FSIP1: variants seen among roughly 807,000 people sequenced by gnomAD.
FSIP1 encodes the protein fibrous sheath-interacting protein 1.
In FSIP1, 65 loss-of-function variants were observed where a neutral mutation model predicts 60.9. The observed-to-expected ratio is 1.07, with a 90% CI of 0.87 to 1.31. FSIP1 has a LOEUF of 1.31. Among genes scored for constraint, FSIP1 ranks in the 40% most tolerant of loss-of-function variants. The pLI, the probability that FSIP1 is intolerant of heterozygous loss-of-function variation, is 0.00. For missense variants in FSIP1, 675 were observed against 665.5 expected, an observed-to-expected ratio of 1.01 and a Z score of -0.16; for synonymous variants, 209 against 221.2, an observed-to-expected ratio of 0.94 and a Z score of 0.49.
chr15:39,740,036 C>T (rs753519612), intron 6 of FSIP1, among the ~76,000 whole-genome samples: 1 of 152,184 alleles, frequency 6.6e-6, no homozygotes, highest in Non-Finnish European at 1.5e-5. Flanking sequence ...TATCAAACTT[C>T]TTCCTGTTGA....
chr15:39,630,806 G>C (rs888522160), intron 10 of FSIP1, among the ~76,000 whole-genome samples: 1 of 152,014 alleles, frequency 6.6e-6, no homozygotes, highest in Non-Finnish European at 1.5e-5. Flanking sequence ...TTTCGAGGGG[G>C]AGCACCTGGC....
In FSIP1 at chr15:39,761,773, T is replaced by C. The variant is rs141104497; in HGVS notation, c.559+2048A>G. On this transcript the variant is annotated intron_variant, in intron 5 of 11. Coordinates refer to ENST00000350221, the MANE Select transcript of FSIP1 (RefSeq NM_152597.5). ...GTATTTGAGGTGATGGATAGGCGAATTAGCTTGATTTAATTATTCTATATT... is the reference window on the plus strand; with the variant it reads ...GTATTTGAGGTGATGGATAGGCGAACTAGCTTGATTTAATTATTCTATATT... Among the ~76,000 whole-genome samples, 13 of 152,358 alleles carry C rather than the reference T, an allele frequency of 8.5e-5. No individual in the cohort carries two copies. The East Asian group carries it at 2.5e-3, about 29-fold the overall frequency.
chr15:39,716,709 A>T (rs537279640), intron 9 of FSIP1, among the ~76,000 whole-genome samples: 100 of 152,262 alleles, frequency 6.6e-4, no homozygotes, highest in Non-Finnish European at 7.8e-4. Flanking sequence ...GATGAAAAAA[A>T]CTGTGAACAC....
At chr15:39,685,980 G>C (rs1422603639) in intron 10 of FSIP1, among the ~76,000 whole-genome samples, 1 of 152,124 alleles carries the variant, frequency 6.6e-6, no homozygotes, top group Non-Finnish European at 1.5e-5. Context: ...GACATAATTA[G>C]CTAAAAATAT....
intron 10 of FSIP1, among the ~76,000 whole-genome samples, chr15:39,623,270 A>T (rs187558635): frequency 6.6e-6 from 1 of 152,338 alleles, no homozygotes; most frequent in Admixed American, 6.5e-5. Flanking sequence ...CAAGGCAATC[A>T]AGATTATGTC....
intron 5 of FSIP1, among the ~76,000 whole-genome samples, chr15:39,753,384 A>G (rs929790803): frequency 1.3e-5 from 2 of 152,018 alleles, no homozygotes; most frequent in Non-Finnish European, 2.9e-5. Context: ...CTCCACCCTC[A>G]ACTTCACCCC....
intron 9 of FSIP1, among the ~76,000 whole-genome samples, chr15:39,715,568 A>T (rs1895707292): frequency 6.6e-6 from 1 of 152,222 alleles, no homozygotes; most frequent in Non-Finnish European, 1.5e-5. Context: ...CAAATTATTA[A>T]GAGTGCGTCA....
intron 10 of FSIP1, among the ~76,000 whole-genome samples, chr15:39,652,790 T>A (rs1452230749): frequency 6.6e-6 from 1 of 152,190 alleles, no homozygotes; most frequent in East Asian, 1.9e-4. Flanking sequence ...CCGTACAGCA[T>A]GTTACTGCAT....
intron 11 of FSIP1, among the ~76,000 whole-genome samples, chr15:39,612,047 G>A (rs1158592713): frequency 6.6e-6 from 1 of 152,106 alleles, no homozygotes; most frequent in East Asian, 1.9e-4. Flanking sequence ...GAGATAGACT[G>A]CAATAGTATA....
chr15:39,614,326 C>A (rs1891144194), intron 11 of FSIP1, among the ~76,000 whole-genome samples: 1 of 152,002 alleles, frequency 6.6e-6, no homozygotes, highest in Admixed American at 6.6e-5. Flanking sequence ...ATCCCATTAA[C>A]AATTGTCTCT....
At chr15:39,726,563 G>C (rs758527612) in intron 9 of FSIP1, 26 bp downstream of exon 9, 5 of 1,607,458 alleles carry the variant, frequency 3.1e-6, no homozygotes, top group Admixed American at 1.7e-5. Flanking sequence ...ACATTAACTT[G>C]AACAGTCTAT....
chr15:39,685,027 C>T (rs188938774), intron 10 of FSIP1, among the ~76,000 whole-genome samples: 239 of 152,298 alleles, frequency 1.6e-3, no homozygotes, highest in African/African-American at 5.6e-3. Context: ...CAGACTCCTA[C>T]AAATCACACT....
At chr15:39,754,977 T>G (rs939787041) in intron 5 of FSIP1, among the ~76,000 whole-genome samples, 1 of 151,988 alleles carries the variant, frequency 6.6e-6, no homozygotes, top group African/African-American at 2.4e-5. Flanking sequence ...GTTGACCAGG[T>G]AGCACCAAGA....
intron 10 of FSIP1, among the ~76,000 whole-genome samples, chr15:39,681,946 G>A (rs1024225787): frequency 1.3e-5 from 2 of 152,178 alleles, no homozygotes; most frequent in South Asian, 2.1e-4. Flanking sequence ...GAATGAAGGT[G>A]CTTTTTCACA....
chr15:39,745,749 C>T (rs541059833), intron 5 of FSIP1, among the ~76,000 whole-genome samples: 1 of 152,282 alleles, frequency 6.6e-6, no homozygotes, highest in African/African-American at 2.4e-5. Context: ...TCCATACAGA[C>T]AGTGGCCCTA....
At position 39,666,058 on chromosome 15, in the gene FSIP1, T is replaced by C. The variant is rs142156113; in HGVS notation, c.1188+47386A>G. Among the ~76,000 whole-genome samples the C allele has an allele frequency of 3.7e-3, 570 of 152,280 alleles. 4 individuals are homozygous for C. The highest frequency in any genetic ancestry group is 0.013 in the African/African-American group (545 of 41,576). On this transcript the variant is annotated intron_variant, in intron 10 of 11. Coordinates refer to ENST00000350221, the MANE Select transcript of FSIP1 (RefSeq NM_152597.5). ...ATTAAATAAAATACGGCATCAGCAA[T>C]TTGGAGCCTCTGGTTAATAATAAAG...
chr15:39,724,991 G>C (rs1406602885), intron 9 of FSIP1, among the ~76,000 whole-genome samples: 1 of 152,152 alleles, frequency 6.6e-6, no homozygotes. Context: ...CCAGCACTTT[G>C]GGAGGCAAAG....
rs541152922 is a variant in FSIP1, at chr15:39,705,333, C to A, written c.1188+8111G>T. 4.5e-3 allele frequency among the ~76,000 whole-genome samples: 680 copies of A among 151,652 alleles called. 6 individuals are homozygous for A. The highest frequency in any genetic ancestry group is 0.016 in the African/African-American group (655 of 41,394). On this transcript the variant is annotated intron_variant, in intron 10 of 11. Transcript: ENST00000350221. The stretch of plus-strand genomic sequence containing the variant: ...AATGTTCTTTATTTTTTAAAAAAAA[C>A]AAAAAATCTTTATTGTCACAGTGGA...
At chr15:39,717,636 A>T (rs1395890327) in intron 9 of FSIP1, among the ~76,000 whole-genome samples, 2 of 152,238 alleles carry the variant, frequency 1.3e-5, no homozygotes, top group African/African-American at 4.8e-5. Flanking sequence ...CAATATAGGT[A>T]TAAAGAGCAA....
Sources: allele counts gnomAD v4.1 joint callset (sites outside exome capture counted in the v4.1 genomes callset), GRCh38; gene constraint gnomAD v4.1.1; transcripts MANE v1.5; gene names NCBI Gene and HGNC (gene_info 2026-07-23, HGNC 2026-07-21).